Variants in MYBL2 observed in about 807,000 individuals in gnomAD.
MYBL2 encodes myb-related protein B.
In MYBL2, 28 loss-of-function variants were observed where a neutral mutation model predicts 79.9. That is an observed-to-expected ratio of 0.35 (90% confidence interval 0.26 to 0.48). MYBL2 has a LOEUF of 0.48. MYBL2 is among the 20% of genes least tolerant of loss of function. The probability of loss-of-function intolerance (pLI) is 0.99; values close to 1 mark genes in which losing one functional copy is unlikely to be tolerated. For missense variants in MYBL2, 735 were observed against 893.9 expected (o/e 0.82, Z 2.27); for synonymous variants, 378 against 361.2 (o/e 1.05, Z -0.53).
chr20:43,701,169 C>T (rs1987667484), intron 7 of MYBL2, among the ~76,000 whole-genome samples: 1 of 152,218 alleles, frequency 6.6e-6, no homozygotes, highest in Non-Finnish European at 1.5e-5. Flanking sequence ...CGGCTCAGAG[C>T]TCAGGCTCTT....
intron 5 of MYBL2, among the ~76,000 whole-genome samples, chr20:43,691,719 A>G (rs1420752041): frequency 6.6e-6 from 1 of 151,778 alleles, no homozygotes; most frequent in East Asian, 1.9e-4. Context: ...TTGTATTTTT[A>G]GTAGAGACAG....
chr20:43,710,201 A>C, intron 10 of MYBL2, 139 bp downstream of exon 10: 8 of 696,730 alleles, frequency 1.1e-5, no homozygotes, highest in Non-Finnish European at 1.8e-5. Context: ...GATCCTGATA[A>C]TATAAATGGG....
intron 2 of MYBL2, among the ~76,000 whole-genome samples, chr20:43,675,541 G>A (rs951418427): frequency 9.2e-5 from 14 of 152,066 alleles, no homozygotes; most frequent in Non-Finnish European, 1.9e-4. Flanking sequence ...TTGAACTCCT[G>A]ACCTCAAGCA....
chr20:43,684,002 C>T (rs1472500509), intron 4 of MYBL2, among the ~76,000 whole-genome samples: 2 of 151,976 alleles, frequency 1.3e-5, no homozygotes, highest in Non-Finnish European at 2.9e-5. Context: ...AATCACGGCT[C>T]ATTGCAGCCT....
intron 1 of MYBL2, among the ~76,000 whole-genome samples, chr20:43,672,668 G>T (rs1357123677): frequency 6.6e-6 from 1 of 152,168 alleles, no homozygotes; most frequent in East Asian, 1.9e-4. Context: ...GATTGCTTGA[G>T]CCTAGGAGTT....
chr20:43,713,512 C>G (rs1171051392), intron 12 of MYBL2, among the ~76,000 whole-genome samples: 1 of 151,994 alleles, frequency 6.6e-6, no homozygotes, highest in Non-Finnish European at 1.5e-5. Flanking sequence ...CTCAGCCTCC[C>G]AAGTAGCTGG....
At chr20:43,688,827 T>C (rs891995050) in intron 5 of MYBL2, among the ~76,000 whole-genome samples, 4 of 152,170 alleles carry the variant, frequency 2.6e-5, no homozygotes, top group Non-Finnish European at 5.9e-5. Context: ...TTCGCTCTTA[T>C]CACCCAGGCT....
At chr20:43,684,992 C>T (rs533592557) in intron 4 of MYBL2, among the ~76,000 whole-genome samples, 104 of 151,252 alleles carry the variant, frequency 6.9e-4, no homozygotes, top group Non-Finnish European at 1.4e-3. Flanking sequence ...ACTAAAAATG[C>T]AAAGATGAGC....
intron 1 of MYBL2, among the ~76,000 whole-genome samples, chr20:43,668,194 C>CA: frequency 1.2e-5 from 1 of 80,638 alleles, no homozygotes; most frequent in South Asian, 4.9e-4. Context: ...TTCGTTCCCT[C>CA]TTTTTTTTTT....
intron 4 of MYBL2, among the ~76,000 whole-genome samples, chr20:43,685,992 G>A (rs540217636): frequency 2.6e-4 from 39 of 151,980 alleles, no homozygotes; most frequent in Non-Finnish European, 5.6e-4. Context: ...AGCCAAGATC[G>A]TGCCATTGCA....
chr20:43,711,916 G>A (rs1987916556), intron 11 of MYBL2, among the ~76,000 whole-genome samples: 2 of 152,170 alleles, frequency 1.3e-5, no homozygotes, highest in South Asian at 4.1e-4. Context: ...TCTCCCCTTA[G>A]TGTTCAGGGG....
At chr20:43,677,097 T>C (rs1001255644) in intron 2 of MYBL2, among the ~76,000 whole-genome samples, 1 of 152,188 alleles carries the variant, frequency 6.6e-6, no homozygotes, top group East Asian at 1.9e-4. Context: ...TTTTAAATCA[T>C]GAAAGATGTT....
At chr20:43,699,002 C>G (rs978273303) in intron 6 of MYBL2, among the ~76,000 whole-genome samples, 6 of 151,826 alleles carry the variant, frequency 4.0e-5, no homozygotes, top group Non-Finnish European at 8.8e-5. Flanking sequence ...TGTACCTGGT[C>G]TTTTTATTTT....
intron 1 of MYBL2, among the ~76,000 whole-genome samples, chr20:43,668,337 A>C (rs1427258468): frequency 6.6e-6 from 1 of 151,060 alleles, no homozygotes; most frequent in Non-Finnish European, 1.5e-5. Context: ...AGTAGCTGGG[A>C]CTTCAGGCAC....
Position 43,710,135 on chromosome 20 carries a change from C to T in MYBL2, c.1605+73C>T, listed in dbSNP as rs1475238847. 5 of 1,203,932 alleles carry T rather than the reference C, an allele frequency of 4.2e-6. No homozygotes were observed. In the African/African-American group the frequency reaches 7.8e-5, roughly 19 times the overall value. 74.6% of individuals were successfully genotyped at this position (1,203,932 alleles called of 1,614,324 possible). On this transcript the variant is annotated intron_variant, in intron 10 of 13. Transcript: ENST00000217026. ...TCGGTTCATCCAACCATGTTCAGTC[C>T]ACAGGACCCTTCCCTCTGAGGTCTC... is the stretch of plus-strand genomic sequence containing the variant.
chr20:43,699,963 C>CA lies in MYBL2; in HGVS notation c.872dup (p.Trp292ValfsTer7). 1 of 1,614,176 alleles carries CA rather than the reference C, an allele frequency of 6.2e-7. No homozygotes were observed. Reference sequence around the variant, plus strand: ...CCCCACCAGAAACGAGCCTGCCTTACAAGTGGGTGGTGGAGGCAGCTAACC... The same window carrying CA: ...CCCCACCAGAAACGAGCCTGCCTTACAAAGTGGGTGGTGGAGGCAGCTAACC... On this transcript the variant is annotated frameshift_variant, in exon 7 of 14. Coordinates refer to ENST00000217026, the MANE Select transcript of MYBL2 (RefSeq NM_002466.4). LOFTEE classifies it high-confidence loss of function.
chr20:43,702,824 G>C lies in MYBL2; in HGVS notation c.1286G>C (p.Ser429Thr). 1 of 1,614,024 alleles carries C rather than the reference G, an allele frequency of 6.2e-7. No individual in the cohort carries two copies. The highest frequency in any genetic ancestry group is 8.5e-7 in the Non-Finnish European group (1 of 1,179,860). ...ALSPVTENST[S>T]LSFLDSCNSL... ...TCCCCTGTCACTGAGAATAGCACCA[G>C]TCTGTCCTTCCTGGATTCCTGTAAC... The change falls in exon 8 of 14, where the codon AGT (serine) becomes ACT (threonine). Residue 429 changes from serine to threonine, a missense_variant. Ser to Thr is a moderately conservative substitution (Grantham distance 58). Around this residue, in one of 5 missense-constraint regions of MYBL2, gnomAD observed 243 missense variants for 327.2 expected, o/e 0.74. Transcript: ENST00000217026.
At chr20:43,708,347 G>A (rs1342866223) in intron 9 of MYBL2, among the ~76,000 whole-genome samples, 3 of 151,992 alleles carry the variant, frequency 2.0e-5, no homozygotes, top group South Asian at 2.1e-4. Context: ...CAATCCTTCC[G>A]CCTCAGCCTC....
chr20:43,680,648 C>T (rs955223996), intron 2 of MYBL2, among the ~76,000 whole-genome samples: 9 of 152,078 alleles, frequency 5.9e-5, no homozygotes, highest in African/African-American at 2.2e-4. Context: ...GCACCCACCA[C>T]CACACCTGGC....
Sources: allele counts gnomAD v4.1 joint callset (sites outside exome capture counted in the v4.1 genomes callset), GRCh38; gene constraint gnomAD v4.1.1; regional missense constraint gnomAD v4.1.1; transcripts MANE v1.5; gene names NCBI Gene and HGNC (gene_info 2026-07-23, HGNC 2026-07-21).